Variants in NCAM1 observed in about 807,000 individuals in gnomAD.
The protein encoded by NCAM1 is neural cell adhesion molecule 1, also known as antigen recognized by monoclonal antibody 5.1H11.
NCAM1 carries 14 observed loss-of-function variants against 109.8 expected under a neutral mutation model. The observed-to-expected ratio is 0.13, with a 90% CI of 0.08 to 0.20. NCAM1 has a LOEUF of 0.20. Ranked by LOEUF, NCAM1 falls within the 10% of genes least tolerant of loss-of-function variation. The pLI, the probability that NCAM1 is intolerant of heterozygous loss-of-function variation, is 1.00. For missense variants in NCAM1, 774 were observed against 1,109.9 expected (o/e 0.70, Z 4.30); for synonymous variants, 418 against 442.9 (o/e 0.94, Z 0.70).
intron 1 of NCAM1, among the ~76,000 whole-genome samples, chr11:113,174,408 T>G (rs1212027950): frequency 1.3e-5 from 2 of 152,196 alleles, no homozygotes; most frequent in Non-Finnish European, 2.9e-5. Context: ...ACAAGTTTCT[T>G]TGTATATGGC....
At chr11:113,097,969 G>A (rs1488903710) in intron 1 of NCAM1, among the ~76,000 whole-genome samples, 1 of 152,088 alleles carries the variant, frequency 6.6e-6, no homozygotes, top group Non-Finnish European at 1.5e-5. Flanking sequence ...AAGCGCCAAG[G>A]CCTTTTATTT....
In NCAM1 at chr11:113,131,960, C is replaced by T. The variant is rs576477964; in HGVS notation, c.53-70419C>T. Among the ~76,000 whole-genome samples, 7 of 152,284 alleles carry T rather than the reference C, an allele frequency of 4.6e-5. No homozygotes were observed. In the East Asian group the frequency reaches 1.2e-3, roughly 25 times the overall value. ...CTGCCATAACCAGGAACTTGAAGTC[C>T]GTCTGGAGCTAGGTGAGCCACTTCC... On this transcript the variant is annotated intron_variant, in intron 1 of 19. Coordinates refer to ENST00000316851, the MANE Select transcript of NCAM1 (RefSeq NM_181351.5).
chr11:113,040,285 A>G (rs1318097029), intron 1 of NCAM1, among the ~76,000 whole-genome samples: 1 of 152,144 alleles, frequency 6.6e-6, no homozygotes. Context: ...TTCCAAGTGT[A>G]CCCTGGTCGC....
At chr11:113,190,961 C>T (rs1173256663) in intron 1 of NCAM1, among the ~76,000 whole-genome samples, 2 of 152,160 alleles carry the variant, frequency 1.3e-5, no homozygotes, top group Non-Finnish European at 2.9e-5. Flanking sequence ...TTCAAATGCA[C>T]ACTCTGCAGG....
chr11:113,143,820 G>C (rs1347202867), intron 1 of NCAM1, among the ~76,000 whole-genome samples: 9 of 152,142 alleles, frequency 5.9e-5, no homozygotes, highest in Admixed American at 2.0e-4. Context: ...CCTGTCCCTT[G>C]CTGTGTCTTA....
At chr11:112,966,562 A>C (rs1950733881) in intron 1 of NCAM1, among the ~76,000 whole-genome samples, 1 of 152,256 alleles carries the variant, frequency 6.6e-6, no homozygotes, top group Admixed American at 6.5e-5. Flanking sequence ...TGAAGGTCAT[A>C]GTCCTGTTAC....
chr11:113,240,918 C>T, intron 14 of NCAM1: 1 of 1,335,182 alleles, frequency 7.5e-7, no homozygotes, highest in Non-Finnish European at 1.1e-6. Context: ...TCTCCTTCAC[C>T]AGGTGATAAT....
chr11:112,976,150 T>A (rs1381891682), intron 1 of NCAM1, among the ~76,000 whole-genome samples: 1 of 151,974 alleles, frequency 6.6e-6, no homozygotes, highest in East Asian at 1.9e-4. Context: ...ATTGGACATA[T>A]TTTAAGAAAA....
chr11:113,219,167 TG>T, intron 8 of NCAM1, among the ~76,000 whole-genome samples: 1 of 152,094 alleles, frequency 6.6e-6, no homozygotes, highest in East Asian at 1.9e-4. Context: ...ATAGGAAAAA[TG>T]AAAAGCATTC....
chr11:113,029,314 A>G (rs1952647778), intron 1 of NCAM1, among the ~76,000 whole-genome samples: 2 of 152,216 alleles, frequency 1.3e-5, no homozygotes, highest in Admixed American at 1.3e-4. Flanking sequence ...ATTCCATTGA[A>G]TGAATACACG....
chr11:113,115,569 C>T (rs1940662003), intron 1 of NCAM1, among the ~76,000 whole-genome samples: 1 of 152,196 alleles, frequency 6.6e-6, no homozygotes, highest in African/African-American at 2.4e-5. Context: ...ACCAGAAAGT[C>T]AGGACAAATG....
chr11:113,139,208 T>G (rs1941722008), intron 1 of NCAM1, among the ~76,000 whole-genome samples: 1 of 152,236 alleles, frequency 6.6e-6, no homozygotes, highest in Non-Finnish European at 1.5e-5. Context: ...ACAGAAAGTA[T>G]TGACTGATTA....
chr11:113,064,774 T>C (rs1291970581), intron 1 of NCAM1, among the ~76,000 whole-genome samples: 3 of 152,218 alleles, frequency 2.0e-5, no homozygotes, highest in African/African-American at 7.2e-5. Context: ...GTAAATGACA[T>C]AATTTTCTTC....
chr11:113,188,175 G>A (rs918806159), intron 1 of NCAM1, among the ~76,000 whole-genome samples: 1 of 152,196 alleles, frequency 6.6e-6, no homozygotes, highest in Non-Finnish European at 1.5e-5. Context: ...GGGAATGAAG[G>A]TAGGGATGCT....
At chr11:113,021,636 A>ATGTC (rs1473163728) in intron 1 of NCAM1, among the ~76,000 whole-genome samples, 2 of 152,206 alleles carry the variant, frequency 1.3e-5, no homozygotes, top group Non-Finnish European at 2.9e-5. Context: ...AGCCCTCAAA[A>ATGTC]TGTCTCTGTT....
intron 1 of NCAM1, among the ~76,000 whole-genome samples, chr11:112,965,227 T>TGCA (rs1950699683): frequency 1.3e-5 from 2 of 151,270 alleles, no homozygotes; most frequent in African/African-American, 4.8e-5. Flanking sequence ...GTTCAAGAAT[T>TGCA]AAGATAGTAA....
At chr11:113,021,009 G>A (rs1458463317) in intron 1 of NCAM1, among the ~76,000 whole-genome samples, 2 of 152,032 alleles carry the variant, frequency 1.3e-5, no homozygotes, top group African/African-American at 2.4e-5. Flanking sequence ...TGCCCCCATC[G>A]GCCTCCCAAA....
At position 113,198,621 on chromosome 11, in the gene NCAM1, G is replaced by A. The variant is rs146527572; in HGVS notation, c.53-3758G>A. Among the ~76,000 whole-genome samples the A allele has an allele frequency of 2.0e-3, 301 of 152,260 alleles. 3 individuals are homozygous for A. Among genetic ancestry groups the A allele is most frequent in the African/African-American group, 7.0e-3 (291 of 41,548 alleles). On this transcript the variant is annotated intron_variant, in intron 1 of 19. Transcript: ENST00000316851. ...CTCCCAAAGTGCTAGGATTACAGGC[G>A]TGAGCCACTGCGCCCGGCTGATGTT...
intron 1 of NCAM1, among the ~76,000 whole-genome samples, chr11:113,152,842 C>T (rs903902718): frequency 1.4e-4 from 22 of 152,070 alleles, no homozygotes; most frequent in African/African-American, 4.8e-4. Context: ...GTATTAAGAG[C>T]ATTTACTCAG....
Sources: gnomAD v4.1 joint callset for allele counts (sites outside exome capture counted in the v4.1 genomes callset) on GRCh38, gnomAD v4.1.1 for gene constraint, MANE v1.5 for transcripts, NCBI Gene and HGNC (gene_info 2026-07-23, HGNC 2026-07-21) for gene names.